Variants in ZNF48 observed in about 807,000 individuals in gnomAD.
ZNF48 encodes the protein zinc finger protein 553.
A neutral mutation model predicts 40.0 loss-of-function variants in ZNF48; 20 were observed. The observed-to-expected ratio is 0.50, with a 90% confidence interval of 0.35 to 0.73. ZNF48 has a LOEUF of 0.73. ZNF48 is among the 30% of genes least tolerant of loss of function. The pLI is 0.01. For missense variants in ZNF48, 726 were observed against 851.9 expected (o/e 0.85, Z 1.84); for synonymous variants, 298 against 329.7 (o/e 0.90, Z 1.04).
chr16:30,391,058 C>T (rs1375560691), upstream of ZNF48, among the ~76,000 whole-genome samples: 2 of 151,334 alleles, frequency 1.3e-5, no homozygotes, highest in African/African-American at 4.9e-5. Context: ...TACATTCTAT[C>T]TTCATCTTTC....
rs969665671 is a variant in ZNF48 at position 30,381,626 on chromosome 16, G to A, written c.-16+3216G>A. The A allele has an allele frequency of 8.8e-6, 13 of 1,479,432 alleles. No homozygotes were observed. The African/African-American group carries it at 1.8e-4, about 21-fold the overall frequency. 91.6% of individuals were successfully genotyped at this position (1,479,432 alleles called of 1,614,324 possible). A position where few individuals can be genotyped will look rare whatever the true frequency, so the allele number is the denominator to read the frequency against. ...GGGGGCCTAGGTGAGTCATCAAGAAGCACAGGGACCCAGTGGCCCTCTGAA... is the reference window on the plus strand; with the variant it reads ...GGGGGCCTAGGTGAGTCATCAAGAAACACAGGGACCCAGTGGCCCTCTGAA... On this transcript the variant is annotated intron_variant, in intron 1 of 2. Transcript: ENST00000528032. This position sits in a 1 kb window ranked among gnomAD's most constrained non-coding sequence, Gnocchi z 4.3.
chr16:30,393,944 G>A (rs1363869281), upstream of ZNF48, among the ~76,000 whole-genome samples: 1 of 151,060 alleles, frequency 6.6e-6, no homozygotes, highest in Non-Finnish European at 1.5e-5. Flanking sequence ...TTTCGAACTA[G>A]TGGCCTCAAG....
At position 30,381,593 on chromosome 16, in the gene ZNF48, G is replaced by A; in HGVS notation, c.-16+3183G>A. ...TGGCTCCCTCCAAAGACATTAAGGG[G>A]AACTGGTGGGGGCCTAGGTGAGTCA... On this transcript the variant is annotated intron_variant, in intron 1 of 2. Coordinates refer to the ZNF48 transcript ENST00000528032. The surrounding 1 kb of genome is among the most constrained non-coding windows in gnomAD (Gnocchi z 4.3). 6.8e-7 allele frequency: 1 copy of A among 1,466,784 alleles called. No homozygotes were observed. Among genetic ancestry groups the A allele is most frequent in the Non-Finnish European group, 9.4e-7 (1 of 1,066,844 alleles). The allele number at this position is 1,466,784 out of a possible 1,614,324, so 90.9% of individuals were successfully genotyped here. A position where few individuals can be genotyped will look rare whatever the true frequency, so the allele number is the denominator to read the frequency against.
Position 30,381,160 on chromosome 16 carries a change from CAG to C in ZNF48, c.-16+2753_-16+2754del. 6.2e-7 allele frequency: 1 copy of C among 1,614,112 alleles called. No individual in the cohort carries two copies. Among genetic ancestry groups the C allele is most frequent in the Non-Finnish European group, 8.5e-7 (1 of 1,180,000 alleles). ...TGAGGGCCTGGGTTTCCTGGGGCATCAGAGCATCCGCTTTGCCAATGACTGGG... is the reference window on the plus strand; with the variant it reads ...TGAGGGCCTGGGTTTCCTGGGGCATCAGCATCCGCTTTGCCAATGACTGGG... On this transcript the variant is annotated intron_variant, in intron 1 of 2. Transcript: ENST00000528032. The surrounding 1 kb of genome is among the most constrained non-coding windows in gnomAD (Gnocchi z 4.3).
rs1390208138 is a variant in ZNF48, at chr16:30,395,871, C to T, written c.77C>T (p.Thr26Ile). The T allele has an allele frequency of 6.5e-7, 1 of 1,538,136 alleles. No individual in the cohort carries two copies. The highest frequency in any genetic ancestry group is 1.9e-5 in the Admixed American group (1 of 51,828). The change falls in exon 2 of 3, where the codon ACA becomes ATA. Residue 26 changes from threonine (T) to isoleucine (I), a missense_variant and splice_region_variant. Physicochemically the swap from Thr to Ile is moderately conservative, Grantham distance 89. Transcript: ENST00000613509. The surrounding 1 kb of genome is among the most constrained non-coding windows in gnomAD (Gnocchi z 5.9). ...AGGGAGCCACAGAGAGGCGCCCGCA[C>T]AGGTGAGGGCCTCGGCCGTGCGCCG... ...EEREPQRGAR[T>I]GLGSENVISQ...
rs1597009807 is a variant in ZNF48 at position 30,382,641 on chromosome 16, C to T, written c.-16+4231C>T. 1 of 1,541,562 alleles carries T rather than the reference C, an allele frequency of 6.5e-7. No homozygotes were observed. The stretch of plus-strand genomic sequence containing the variant: ...AGAAGAGGCAGCTGAGATGCTCAAA[C>T]TGGCCCAGTCCCAGAGAGGTGGGGA... On this transcript the variant is annotated intron_variant, in intron 1 of 2. Transcript: ENST00000528032. The surrounding 1 kb of genome is among the most constrained non-coding windows in gnomAD (Gnocchi z 4.8).
At chr16:30,391,932 C>T (rs375121035), upstream of ZNF48, among the ~76,000 whole-genome samples, 6 of 151,732 alleles carry the variant, frequency 4.0e-5, no homozygotes, top group African/African-American at 7.3e-5. Context: ...TCACCTCCCG[C>T]GCCCAAGAGA....
At chr16:30,396,214 T>A (rs1359904114) in intron 2 of ZNF48, among the ~76,000 whole-genome samples, 2 of 152,154 alleles carry the variant, frequency 1.3e-5, no homozygotes, top group East Asian at 3.8e-4. Context: ...TATAATCCTG[T>A]GTCTCTTCTG....
upstream of ZNF48, chr16:30,395,173 G>C (rs753077085): frequency 3.3e-4 from 152 of 454,056 alleles, no homozygotes; most frequent in Admixed American, 1.4e-3. This position sits in a 1 kb window ranked among gnomAD's most constrained non-coding sequence, Gnocchi z 5.9. Context: ...AGGTCGGCGC[G>C]GGTGGCTGGA....
chr16:30,378,410 G>T, exon 1 of ZNF48: 2 of 1,547,208 alleles, frequency 1.3e-6, no homozygotes, highest in Non-Finnish European at 1.7e-6. Context: ...GCGGAGCCGA[G>T]GTAAGGCCGG....
At chr16:30,388,849 G>A (rs2049920447) in intron 1 of ZNF48, among the ~76,000 whole-genome samples, 1 of 151,988 alleles carries the variant, frequency 6.6e-6, no homozygotes, top group South Asian at 2.1e-4. Context: ...AGCCGAGACT[G>A]CGCCACTGCA....
chr16:30,391,588 C>T (rs1441454044), upstream of ZNF48, among the ~76,000 whole-genome samples: 1 of 151,420 alleles, frequency 6.6e-6, no homozygotes, highest in African/African-American at 2.4e-5. Context: ...CTCCGGCTCG[C>T]GAGTTCAAGC....
At chr16:30,396,125 C>T (rs578090435) in intron 2 of ZNF48, 3 of 400,110 alleles carry the variant, frequency 7.5e-6, no homozygotes, top group Admixed American at 8.4e-5. Flanking sequence ...TCTGTTTTAT[C>T]CTGGCAATTG....
chr16:30,389,646 C>T (rs2049927183), intron 1 of ZNF48, among the ~76,000 whole-genome samples: 1 of 150,654 alleles, frequency 6.6e-6, no homozygotes, highest in African/African-American at 2.4e-5. Context: ...ACAGTGACAC[C>T]ATAGTCCATT....
intron 1 of ZNF48, chr16:30,380,000 T>G (rs1168415605): frequency 3.1e-6 from 5 of 1,612,770 alleles, no homozygotes; most frequent in Non-Finnish European, 4.2e-6. Context: ...AACTGGTAGA[T>G]GTGGATCTCC....
rs748465821 is a variant in ZNF48, at chr16:30,398,351, C to G, written c.1101C>G (p.Thr367=). Residue 367 remains threonine, a synonymous_variant, in exon 3 of 3, where the codon ACC becomes ACG. Transcript: ENST00000613509. The surrounding 1 kb of genome is among the most constrained non-coding windows in gnomAD (Gnocchi z 6.6). ...ATGCCTGCCCGGAATGCGACCGTAC[C>G]TTCAGCCTCAGCTCCACCCTTCTTC... ...RPHACPECDR[T]FSLSSTLLRH... is the part of the protein sequence containing the mutation. 4 of 1,613,198 alleles carry G rather than the reference C, an allele frequency of 2.5e-6. No homozygotes were observed. Among genetic ancestry groups the G allele is most frequent in the South Asian group, 1.1e-5 (1 of 91,054 alleles).
rs1236698333 is a variant in ZNF48, at chr16:30,398,272, C to T, written c.1022C>T (p.Ala341Val). 8.1e-6 allele frequency: 13 copies of T among 1,613,358 alleles called. No individual in the cohort carries two copies. The highest frequency in any genetic ancestry group is 3.3e-5 in the South Asian group (3 of 91,076). ...YLCPECGKGFADSSARVKHLR... is the reference protein window; with the variant it reads ...YLCPECGKGFVDSSARVKHLR... The stretch of plus-strand genomic sequence containing the variant: ...TGCCCAGAGTGCGGCAAAGGTTTCG[C>T]GGACAGCTCCGCCCGAGTCAAACAC... The change falls in exon 3 of 3, where the codon GCG becomes GTG. Residue 341 changes from alanine to valine, a missense_variant. Physicochemically the swap from Ala to Val is moderately conservative, Grantham distance 64. Around this residue, in one of 5 missense-constraint regions of ZNF48, gnomAD observed 378 missense variants for 449.1 expected, o/e 0.84. Coordinates refer to ENST00000613509, the MANE Select transcript of ZNF48 (RefSeq NM_001214909.2). This position sits in a 1 kb window ranked among gnomAD's most constrained non-coding sequence, Gnocchi z 6.6.
In ZNF48 at chr16:30,387,232, C is replaced by T. The variant is rs796939043; in HGVS notation, c.-15-8548C>T. Reference sequence around the variant, plus strand: ...TGCTGGGATTACAGGCGTGAGCCACCGCGCCCGGCCTTTTTTTTTTTTTTT... The same window carrying T: ...TGCTGGGATTACAGGCGTGAGCCACTGCGCCCGGCCTTTTTTTTTTTTTTT... On this transcript the variant is annotated intron_variant, in intron 1 of 2. Transcript: ENST00000528032. Among the ~76,000 whole-genome samples, 1,384 of 146,556 alleles carry T rather than the reference C, an allele frequency of 9.4e-3. 22 individuals carry two copies. The highest frequency in any genetic ancestry group is 0.032 in the African/African-American group (1,290 of 40,292).
At chr16:30,389,816 GTTTTTTTTT>G (rs56373430) in intron 1 of ZNF48, among the ~76,000 whole-genome samples, 152 of 22,484 alleles carry the variant, frequency 6.8e-3, no homozygotes, top group East Asian at 0.013. Context: ...ATTTGGATTA[GTTTTTTTTT>G]TTTTTTTTTT....
Sources: allele counts gnomAD v4.1 joint callset (sites outside exome capture counted in the v4.1 genomes callset), GRCh38; gene constraint gnomAD v4.1.1; regional missense constraint gnomAD v4.1.1; non-coding constraint Gnocchi (gnomAD v3.1); transcripts MANE v1.5; gene names NCBI Gene and HGNC (gene_info 2026-07-23, HGNC 2026-07-21).